Variants in MRPL48 observed in about 807,000 individuals in gnomAD.
MRPL48 encodes mitochondrial ribosomal protein L48.
MRPL48 carries 16 observed loss-of-function variants against 32.9 expected under a neutral mutation model. That is an observed-to-expected ratio of 0.49 (90% CI 0.33 to 0.74). The LOEUF (loss-of-function observed/expected upper bound fraction) is 0.74. MRPL48 is among the 30% of genes least tolerant of loss of function. The pLI is 0.02. For synonymous variants in MRPL48, 94 were observed against 89.2 expected (o/e 1.05, Z -0.31); for missense variants, 206 against 245.3 (o/e 0.84, Z 1.07).
intron 4 of MRPL48, among the ~76,000 whole-genome samples, chr11:73,834,528 G>GTTTTTTT (rs11444489): frequency 7.0e-6 from 1 of 142,788 alleles, no homozygotes. Flanking sequence ...GTTTTTGCTG[G>GTTTTTTT]TTTTTTTTTT....
chr11:73,794,190 A>G (rs543138794), intron 1 of MRPL48, among the ~76,000 whole-genome samples: 13 of 146,802 alleles, frequency 8.9e-5, no homozygotes, highest in Admixed American at 6.2e-4. Context: ...CCCTGTATCT[A>G]TCTATCTATC....
intron 3 of MRPL48, among the ~76,000 whole-genome samples, chr11:73,810,473 A>G (rs184952884): frequency 1.3e-5 from 2 of 152,286 alleles, no homozygotes; most frequent in Admixed American, 1.3e-4. Flanking sequence ...GTGAGCCGAG[A>G]TCGTGCCATT....
At chr11:73,804,888 T>C (rs1947421199) in intron 1 of MRPL48, 139 bp from the exon 2 acceptor site, 4 of 634,486 alleles carry the variant, frequency 6.3e-6, no homozygotes, top group East Asian at 2.9e-5. Context: ...GTGTTAATTG[T>C]AGGGTAGCTT....
chr11:73,857,910 G>C (rs1021926312), intron 5 of MRPL48, among the ~76,000 whole-genome samples: 4 of 152,014 alleles, frequency 2.6e-5, no homozygotes, highest in Admixed American at 1.3e-4. Context: ...TGCCCATCAG[G>C]GTGCCTAGAA....
intron 2 of MRPL48, 49 bp downstream of exon 2, chr11:73,805,128 G>T: frequency 1.4e-6 from 2 of 1,468,344 alleles, no homozygotes; most frequent in Non-Finnish European, 1.9e-6. Context: ...TTTGCCTTTG[G>T]CTTCATAGTT....
chr11:73,820,827 TC>T (rs1329755023), intron 3 of MRPL48, among the ~76,000 whole-genome samples: 1 of 151,966 alleles, frequency 6.6e-6, no homozygotes, highest in Non-Finnish European at 1.5e-5. Flanking sequence ...CCCCCCACTA[TC>T]CCCCCTGGGG....
At chr11:73,834,527 GGTTTTTTTTTTT>G (rs1317905887) in intron 4 of MRPL48, among the ~76,000 whole-genome samples, 8 of 106,996 alleles carry the variant, frequency 7.5e-5, no homozygotes, top group Non-Finnish European at 1.3e-4. Context: ...TGTTTTTGCT[GGTTTTTTTTTTT>G]GTTTTTTTTT....
At chr11:73,831,224 T>C (rs1478242673) in intron 4 of MRPL48, among the ~76,000 whole-genome samples, 1 of 152,174 alleles carries the variant, frequency 6.6e-6, no homozygotes, top group Non-Finnish European at 1.5e-5. Flanking sequence ...TCCTTGATGC[T>C]TTTTTGAGGG....
At chr11:73,793,747 C>T (rs1278249456) in intron 1 of MRPL48, among the ~76,000 whole-genome samples, 1 of 151,692 alleles carries the variant, frequency 6.6e-6, no homozygotes, top group African/African-American at 2.4e-5. Context: ...TATATTTAGG[C>T]ATGGTGGCTC....
In MRPL48 at chr11:73,805,071, T is replaced by C. The variant is rs1191617062; in HGVS notation, c.66T>C (p.Ser22=). Residue 22 remains serine (S), a synonymous_variant, in exon 2 of 8, where the codon TCT becomes TCC. Coordinates refer to ENST00000310614, the MANE Select transcript of MRPL48 (RefSeq NM_016055.6). Reference sequence around the variant, plus strand: ...ATACCATTTTTAAGCAAGCCTTTTCTCTCTTAAGGTAAGAATATTAAAAAC... The same window carrying C: ...ATACCATTTTTAAGCAAGCCTTTTCCCTCTTAAGGTAAGAATATTAAAAAC... The part of the protein sequence containing the change: ...RNNTIFKQAF[S]LLRFRTSGEK... 3 of 1,575,926 alleles carry C rather than the reference T, an allele frequency of 1.9e-6. No individual in the cohort carries two copies. The highest frequency in any genetic ancestry group is 2.6e-6 in the Non-Finnish European group (3 of 1,159,672).
At chr11:73,834,362 A>G (rs1328665141) in intron 4 of MRPL48, among the ~76,000 whole-genome samples, 1 of 152,102 alleles carries the variant, frequency 6.6e-6, no homozygotes, top group African/African-American at 2.4e-5. Flanking sequence ...GTTTTGCCAT[A>G]CTTATCATAT....
intron 4 of MRPL48, among the ~76,000 whole-genome samples, chr11:73,826,392 T>C (rs1947890114): frequency 6.6e-6 from 1 of 152,200 alleles, no homozygotes; most frequent in African/African-American, 2.4e-5. Context: ...GACCTCATAA[T>C]GGAAATGATA....
intron 1 of MRPL48, among the ~76,000 whole-genome samples, chr11:73,804,247 T>G (rs1387206636): frequency 6.6e-6 from 1 of 151,356 alleles, no homozygotes; most frequent in Non-Finnish European, 1.5e-5. Flanking sequence ...GACAGTGTAC[T>G]ATAATAGAGG....
At position 73,787,966 on chromosome 11, in the gene MRPL48, C is replaced by G. The variant is rs773112658; in HGVS notation, c.-6C>G. ...TGCACAGCTAGAGGCCGCGCAGCAGCAAAGGATGAGCGGAACCTTGGAAAA... is the reference window on the plus strand; with the variant it reads ...TGCACAGCTAGAGGCCGCGCAGCAGGAAAGGATGAGCGGAACCTTGGAAAA... On this transcript the variant is annotated 5_prime_UTR_variant, in exon 1 of 8. Transcript: ENST00000310614. 6.2e-7 allele frequency: 1 copy of G among 1,612,654 alleles called. No individual in the cohort carries two copies. Among genetic ancestry groups the G allele is most frequent in the East Asian group, 2.2e-5 (1 of 44,782 alleles).
chr11:73,798,076 A>T (rs1947290213), intron 1 of MRPL48, among the ~76,000 whole-genome samples: 1 of 152,088 alleles, frequency 6.6e-6, no homozygotes, highest in African/African-American at 2.4e-5. Flanking sequence ...ACTGGAAACA[A>T]AAACAATTTT....
intron 5 of MRPL48, among the ~76,000 whole-genome samples, chr11:73,857,005 C>G (rs953816306): frequency 6.6e-6 from 1 of 152,192 alleles, no homozygotes; most frequent in South Asian, 2.1e-4. Context: ...CCTGAGCCCC[C>G]CTTTCCGCCC....
At chr11:73,804,172 C>G (rs1426189304) in intron 1 of MRPL48, among the ~76,000 whole-genome samples, 1 of 152,146 alleles carries the variant, frequency 6.6e-6, no homozygotes, top group Non-Finnish European at 1.5e-5. Context: ...CCTACCTTGG[C>G]CTCCCAAAGT....
intron 1 of MRPL48, among the ~76,000 whole-genome samples, chr11:73,799,592 T>G (rs992042488): frequency 2.0e-5 from 3 of 152,118 alleles, no homozygotes; most frequent in Non-Finnish European, 4.4e-5. Flanking sequence ...AATATCTACT[T>G]CACAGGCATG....
chr11:73,857,587 CTTT>C (rs56265503), intron 5 of MRPL48, among the ~76,000 whole-genome samples: 4,206 of 87,780 alleles, frequency 0.048, 33 homozygotes, highest in Middle Eastern at 0.071. Flanking sequence ...GCCGCATAGA[CTTT>C]TTTTTTTTTT....
Sources: allele counts gnomAD v4.1 joint callset (sites outside exome capture counted in the v4.1 genomes callset), GRCh38; gene constraint gnomAD v4.1.1; transcripts MANE v1.5; gene names NCBI Gene and HGNC (gene_info 2026-07-23, HGNC 2026-07-21).